The following EDN1 variants were observed in gnomAD, a reference collection of about 807,000 sequenced individuals.
The protein encoded by EDN1 is endothelin-1.
In EDN1, 11 loss-of-function variants were observed where a neutral mutation model predicts 21.7. The ratio of observed to expected loss-of-function variants is 0.51; its 90% CI spans 0.32 to 0.84. The LOEUF (loss-of-function observed/expected upper bound fraction) is 0.84. EDN1 is among the 40% of genes least tolerant of loss of function. EDN1 has a pLI of 0.03. For missense variants in EDN1, 244 were observed against 262.3 expected (o/e 0.93, Z 0.48); for synonymous variants, 85 against 90.6 (o/e 0.94, Z 0.35).
the EDN1 span, among the ~76,000 whole-genome samples, chr6:12,260,914 A>C: frequency 6.6e-6 from 1 of 152,212 alleles, no homozygotes; most frequent in Non-Finnish European, 1.5e-5. Flanking sequence ...TGAGACACTC[A>C]AACAGTGCTG....
At chr6:12,292,699 G>C (rs1367715524) in intron 2 of EDN1, among the ~76,000 whole-genome samples, 190 bp downstream of exon 2, 1 of 152,240 alleles carries the variant, frequency 6.6e-6, no homozygotes, top group Admixed American at 6.5e-5. Context: ...CCAAGGGGAG[G>C]GTCTTCTGAG....
At chr6:12,247,451 G>A in the EDN1 span, among the ~76,000 whole-genome samples, 1 of 151,742 alleles carries the variant, frequency 6.6e-6, no homozygotes, top group Non-Finnish European at 1.5e-5. Context: ...AAGAGACAAT[G>A]GAAGATACCA....
the EDN1 span, among the ~76,000 whole-genome samples, chr6:12,269,712 A>G: frequency 6.6e-6 from 1 of 151,816 alleles, no homozygotes; most frequent in Non-Finnish European, 1.5e-5. Context: ...GCTTGCTAGT[A>G]TTTTGTTAAC....
At chr6:12,231,931 A>C in the EDN1 span, among the ~76,000 whole-genome samples, 1 of 151,784 alleles carries the variant, frequency 6.6e-6, no homozygotes, top group African/African-American at 2.4e-5. Context: ...TAGTAAAACA[A>C]GTTTTTAAAA....
At chr6:12,281,912 TC>T in the EDN1 span, among the ~76,000 whole-genome samples, 1 of 150,248 alleles carries the variant, frequency 6.7e-6, no homozygotes. Context: ...TGATATCATA[TC>T]ACTTTCAATG....
upstream of EDN1, among the ~76,000 whole-genome samples, chr6:12,285,466 T>G (rs1762547898): frequency 6.6e-6 from 1 of 152,224 alleles, no homozygotes; most frequent in Admixed American, 6.5e-5. Flanking sequence ...GCTTAATTCT[T>G]AAACAAGAAG....
chr6:12,255,385 A>G, the EDN1 span, among the ~76,000 whole-genome samples: 1 of 152,244 alleles, frequency 6.6e-6, no homozygotes, highest in South Asian at 2.1e-4. Context: ...TTTCAATGCC[A>G]TTTGGAATAA....
chr6:12,242,651 C>A, the EDN1 span, among the ~76,000 whole-genome samples: 1 of 151,790 alleles, frequency 6.6e-6, no homozygotes. Context: ...TGAGGTAGAT[C>A]CTTGTTTGGA....
At chr6:12,234,701 G>T in the EDN1 span, among the ~76,000 whole-genome samples, 11 of 152,302 alleles carry the variant, frequency 7.2e-5, no homozygotes, top group Admixed American at 3.3e-4. Context: ...AACCAGAACT[G>T]CCAGAATCCT....
chr6:12,235,905 T>C, the EDN1 span, among the ~76,000 whole-genome samples: 2 of 152,266 alleles, frequency 1.3e-5, no homozygotes, highest in African/African-American at 4.8e-5. Flanking sequence ...ACATAGGCCT[T>C]TGTTGCAGAC....
At chr6:12,275,026 C>A in the EDN1 span, among the ~76,000 whole-genome samples, 36 of 124,122 alleles carry the variant, frequency 2.9e-4, no homozygotes, top group Admixed American at 8.2e-4. Flanking sequence ...TCCTTCTTTT[C>A]CCCCAAAGAC....
the EDN1 span, among the ~76,000 whole-genome samples, chr6:12,246,334 A>C: frequency 6.6e-6 from 1 of 152,194 alleles, no homozygotes; most frequent in African/African-American, 2.4e-5. Context: ...GCTCAGATGC[A>C]ATCACTTCTT....
the EDN1 span, among the ~76,000 whole-genome samples, chr6:12,238,657 G>C: frequency 2.0e-5 from 3 of 152,198 alleles, no homozygotes; most frequent in African/African-American, 7.2e-5. Flanking sequence ...TCTAGTTATC[G>C]TAGGAAGAGA....
the EDN1 span, among the ~76,000 whole-genome samples, chr6:12,277,502 G>A: frequency 2.6e-5 from 4 of 152,200 alleles, no homozygotes; most frequent in Non-Finnish European, 4.4e-5. Context: ...GCTTGCCCAA[G>A]GTTACACAAT....
upstream of EDN1, among the ~76,000 whole-genome samples, chr6:12,287,710 TCTCACA>T (rs776763723): frequency 8.6e-4 from 58 of 67,402 alleles, no homozygotes; most frequent in Middle Eastern, 7.5e-3. Context: ...TCTCTCTCTC[TCTCACA>T]CACACACACA....
At chr6:12,237,344 AC>A in the EDN1 span, among the ~76,000 whole-genome samples, 1 of 152,108 alleles carries the variant, frequency 6.6e-6, no homozygotes, top group Non-Finnish European at 1.5e-5. Flanking sequence ...TCAAAATAAA[AC>A]CTTTTAACCT....
chr6:12,236,823 CT>C, the EDN1 span, among the ~76,000 whole-genome samples: 1 of 144,298 alleles, frequency 6.9e-6, no homozygotes, highest in Non-Finnish European at 1.5e-5. Flanking sequence ...AAGTATATTT[CT>C]TTTTTTTAAT....
intron 4 of EDN1, among the ~76,000 whole-genome samples, chr6:12,294,688 G>A (rs1762776428): frequency 6.6e-6 from 1 of 152,182 alleles, no homozygotes; most frequent in Non-Finnish European, 1.5e-5. Context: ...ATCCAGAGAT[G>A]CCTTTGTCAT....
At chr6:12,230,831 T>C in the EDN1 span, among the ~76,000 whole-genome samples, 37 of 152,322 alleles carry the variant, frequency 2.4e-4, no homozygotes, top group Admixed American at 1.4e-3. Context: ...GAGAATTGAC[T>C]GTATTTGTTC....
Sources: allele counts gnomAD v4.1 joint callset (sites outside exome capture counted in the v4.1 genomes callset), GRCh38; gene constraint gnomAD v4.1.1; transcripts MANE v1.5; gene names NCBI Gene and HGNC (gene_info 2026-07-23, HGNC 2026-07-21).